APOB: variants seen among roughly 807,000 people sequenced by gnomAD.
APOB encodes apolipoprotein B-100.
In APOB, 153 loss-of-function variants were observed where a neutral mutation model predicts 314.1. The observed-to-expected ratio is 0.49, with a 90% CI of 0.43 to 0.56. The LOEUF is 0.56. Ranked by LOEUF, APOB falls within the 20% of genes least tolerant of loss-of-function variation. The pLI is 0.00. For missense variants in APOB, 5,430 were observed against 5,350.7 expected, an observed-to-expected ratio of 1.01 and a Z score of -0.46; for synonymous variants, 2,087 against 2,036.4, an observed-to-expected ratio of 1.02 and a Z score of -0.67.
intron 24 of APOB, among the ~76,000 whole-genome samples, chr2:21,013,898 A>G (rs192627628): frequency 1.3e-5 from 2 of 152,362 alleles, no homozygotes; most frequent in Non-Finnish European, 2.9e-5. Context: ...TTCTTGAAAG[A>G]AAAGGCTATA....
At chr2:21,015,697 C>A in intron 21 of APOB, 152 bp from the exon 22 acceptor site, 1 of 860,928 alleles carries the variant, frequency 1.2e-6, no homozygotes. Context: ...ACTTCTAAAG[C>A]CAACATTCAG....
Position 21,033,504 on chromosome 2 carries a change from C to T in APOB, c.919G>A (p.Gly307Ser), listed in dbSNP as rs770369582. 5.0e-6 allele frequency: 8 copies of T among 1,613,888 alleles called. No homozygotes were observed. In the African/African-American group the frequency reaches 1.1e-4, roughly 22 times the overall value. The change falls in exon 9 of 29, where the codon GGC (glycine) becomes AGC (serine). Residue 307 changes from glycine to serine, a missense_variant. This residue lies in a region of APOB where 2,085 missense variants were observed against 2,079.7 expected (regional missense o/e 1.00). Coordinates refer to ENST00000233242, the MANE Select transcript of APOB (RefSeq NM_000384.3). ...GATTTGGTGCTCTCAAATGCGAGGCCCATCTTCTTAGTACCTGGAAGATGG... is the reference window on the plus strand; with the variant it reads ...GATTTGGTGCTCTCAAATGCGAGGCTCATCTTCTTAGTACCTGGAAGATGG... The part of the protein sequence containing the change: ...RFFGEGTKKM[G>S]LAFESTKSTS...
Position 21,012,601 on chromosome 2 carries a change from CA to C in APOB, c.4266del (p.Cys1422TrpfsTer10). On this transcript the variant is annotated frameshift_variant, in exon 26 of 29. Transcript: ENST00000233242. LOFTEE classifies it high-confidence loss of function. ...AGAAATTTGTGGCGTAGAGACCCATCACATGATAGTGTGAACGTATTCTTGT... is the reference window on the plus strand; with the variant it reads ...AGAAATTTGTGGCGTAGAGACCCATCCATGATAGTGTGAACGTATTCTTGT... ...YDHKNTFTLS[C>X]DGSLRHKFLD... 6.2e-7 allele frequency: 1 copy of C among 1,613,302 alleles called. No individual in the cohort carries two copies. Among genetic ancestry groups the C allele is most frequent in the Non-Finnish European group, 8.5e-7 (1 of 1,179,460 alleles).
intron 3 of APOB, 151 bp from the exon 4 acceptor site, chr2:21,041,234 C>G: frequency 1.3e-6 from 1 of 787,150 alleles, no homozygotes; most frequent in Non-Finnish European, 2.1e-6. Context: ...GCCTTATCAA[C>G]ATGCCTCCTG....
chr2:21,014,597 CA>C lies in APOB; in HGVS notation c.3697-5del. On this transcript the variant is annotated splice_polypyrimidine_tract_variant and splice_region_variant and intron_variant, in intron 23 of 28. Transcript: ENST00000233242. ...TCTGAAGCCATGAGCTCATTGCCTA[CA>C]AAATGACAGGAGATTTTTAAGGTAA... 2 of 1,613,870 alleles carry C rather than the reference CA, an allele frequency of 1.2e-6. No homozygotes were observed. The highest frequency in any genetic ancestry group is 8.5e-7 in the Non-Finnish European group (1 of 1,179,896).
In APOB at chr2:21,027,862, G is replaced by A. The variant is rs773846941; in HGVS notation, c.2033C>T (p.Thr678Ile). The A allele has an allele frequency of 1.2e-6, 2 of 1,614,090 alleles. No homozygotes were observed. Among genetic ancestry groups the A allele is most frequent in the Non-Finnish European group, 1.7e-6 (2 of 1,179,946 alleles). Residue 678 changes from threonine to isoleucine, a missense_variant, in exon 14 of 29, where the codon ACT becomes ATT. Thr to Ile is a moderately conservative substitution (Grantham distance 89). Around this residue, in one of 3 missense-constraint regions of APOB, gnomAD observed 2,085 missense variants for 2,079.7 expected, o/e 1.00. Transcript: ENST00000233242. ...GTCAGCTGAAGCAAATCCAAAGGCA[G>A]TGAGGGTAGTTTTCAGCATGCTTTC... ...PKESMLKTTL[T>I]AFGFASADLI...
chr2:21,010,232 A>G lies in APOB; in HGVS notation c.6636T>C (p.Leu2212=). 1 of 1,562,212 alleles carries G rather than the reference A, an allele frequency of 6.4e-7. No individual in the cohort carries two copies. The highest frequency in any genetic ancestry group is 8.7e-7 in the Non-Finnish European group (1 of 1,155,600). ...IDEIIEKLKS[L]DEHYHIRVNL... ...TTACACGGATATGATAGTGCTCATCAAGACTTTTTAATTTTTCAATGATTT... is the reference window on the plus strand; with the variant it reads ...TTACACGGATATGATAGTGCTCATCGAGACTTTTTAATTTTTCAATGATTT... Residue 2212 remains leucine (L), a synonymous_variant, in exon 26 of 29, where the codon CTT becomes CTC. Coordinates refer to ENST00000233242, the MANE Select transcript of APOB (RefSeq NM_000384.3).
chr2:21,032,374 C>T lies in APOB; in HGVS notation c.1332G>A (p.Ala444=), dbSNP rs747757675. ...CTCACTTGTTGACCGCGTGGCTCAG[C>T]GCATACAAGGTGGCTCGGCTGCGCT... ...RDQRSRATLY[A]LSHAVNNYHK... is the part of the protein sequence containing the mutation. The change falls in exon 10 of 29, where the codon GCG becomes GCA. Residue 444 remains alanine (A), a synonymous_variant. Transcript: ENST00000233242. The T allele has an allele frequency of 8.1e-6, 13 of 1,613,496 alleles. No individual in the cohort carries two copies. The highest frequency in any genetic ancestry group is 2.7e-5 in the African/African-American group (2 of 74,936).
In APOB at chr2:21,042,380, G is replaced by T. The variant is rs377171241; in HGVS notation, c.218C>A (p.Ala73Asp). The change falls in exon 3 of 29, where the codon GCC becomes GAC. Residue 73 changes from alanine to aspartate, a missense_variant. Around this residue, in one of 3 missense-constraint regions of APOB, gnomAD observed 2,085 missense variants for 2,079.7 expected, o/e 1.00. Transcript: ENST00000233242. The part of the protein sequence containing the change: ...GVPGTADSRS[A>D]TRINCKVELE... The stretch of plus-strand genomic sequence containing the variant: ...CCATACCTTGCAGTTGATCCTGGTG[G>T]CACTTCTTGAATCAGCAGTCCCAGG... 5.5e-5 allele frequency: 88 copies of T among 1,613,548 alleles called. No homozygotes were observed. Among genetic ancestry groups the T allele is most frequent in the Non-Finnish European group, 7.4e-5 (87 of 1,179,688 alleles).
intron 1 of APOB, 77 bp downstream of exon 1, chr2:21,043,787 C>T (rs12720762): frequency 2.6e-6 from 4 of 1,519,378 alleles, no homozygotes; most frequent in Non-Finnish European, 3.5e-6. Flanking sequence ...TGGCCTAGGC[C>T]CAGGCTGCCC....
Position 21,032,357 on chromosome 2 carries a change from TTGA to T in APOB, c.1346_1348del (p.Val449_Asn450delinsAsp). The T allele has an allele frequency of 6.2e-7, 1 of 1,612,728 alleles. No homozygotes were observed. Among genetic ancestry groups the T allele is most frequent in the Non-Finnish European group, 8.5e-7 (1 of 1,179,926 alleles). ...GAAATACAGTGTGGAAACTCACTTG[TTGA>T]CCGCGTGGCTCAGCGCATACAAGGT... On this transcript the variant is annotated inframe_deletion, in exon 10 of 29. Coordinates refer to ENST00000233242, the MANE Select transcript of APOB (RefSeq NM_000384.3).
chr2:21,002,420 G>A lies in APOB; in HGVS notation c.13002C>T (p.Asn4334=), dbSNP rs1663008957. ...ATGGGATATAATCACTGAAGATTGT[G>A]TTGATCTCATCTTGGATATAATTAA... is the stretch of plus-strand genomic sequence containing the variant. ...YLINYIQDEI[N]TIFSDYIPYV... is the part of the protein sequence containing the mutation. Residue 4334 remains asparagine, a synonymous_variant, in exon 29 of 29, where the codon AAC becomes AAT. Coordinates refer to ENST00000233242, the MANE Select transcript of APOB (RefSeq NM_000384.3). 1 of 1,601,246 alleles carries A rather than the reference G, an allele frequency of 6.2e-7. No individual in the cohort carries two copies.
At chr2:21,018,408 A>G (rs1271444268) in intron 20 of APOB, among the ~76,000 whole-genome samples, 2 of 151,856 alleles carry the variant, frequency 1.3e-5, no homozygotes. Flanking sequence ...ACCTCTCCAT[A>G]TCTCTCTGTC....
At position 21,026,936 on chromosome 2, in the gene APOB, G is replaced by T. The variant is rs776107514; in HGVS notation, c.2096C>A (p.Pro699Gln). The T allele has an allele frequency of 6.2e-7, 1 of 1,614,084 alleles. No homozygotes were observed. Among genetic ancestry groups the T allele is most frequent in the South Asian group, 1.1e-5 (1 of 91,068 alleles). Residue 699 changes from proline to glutamine, a missense_variant, in exon 15 of 29, where the codon CCA becomes CAA. Around this residue, in one of 3 missense-constraint regions of APOB, gnomAD observed 2,085 missense variants for 2,079.7 expected, o/e 1.00. Coordinates refer to ENST00000233242, the MANE Select transcript of APOB (RefSeq NM_000384.3). ...EIGLEGKGFEPTLEALFGKQG... is the reference protein window; with the variant it reads ...EIGLEGKGFEQTLEALFGKQG... ...CTTCCCAAAAAGAGCTTCCAATGTT[G>T]GCTCAAAGCCTTTTCCTTCCAAGCC...
rs761559174 is a variant in APOB, at chr2:21,029,931, A to T, written c.1437T>A (p.Thr479=). 10 of 1,613,844 alleles carry T rather than the reference A, an allele frequency of 6.2e-6. No individual in the cohort carries two copies. The highest frequency in any genetic ancestry group is 8.5e-6 in the Non-Finnish European group (10 of 1,179,852). The change falls in exon 11 of 29, where the codon ACT becomes ACA. Residue 479 remains threonine (T), a synonymous_variant. Transcript: ENST00000233242. ...TCAAATAGGTGTAATCTTCATCCCC[A>T]GTGCAGTCATCTTGAATCTGTTCCA... ...YLMEQIQDDC[T]GDEDYTYLIL...
Position 21,023,671 on chromosome 2 carries a change from C to A in APOB, c.2458G>T (p.Gly820Cys). ...PQMIGEVIRK[G>C]SKNDFFLHYI... Reference sequence around the variant, plus strand: ...TGAAGAAAAAAGTCATTCTTTGAGCCCTTCCTGATGACCTCTCCAATCTGT... The same window carrying A: ...TGAAGAAAAAAGTCATTCTTTGAGCACTTCCTGATGACCTCTCCAATCTGT... The change falls in exon 17 of 29, where the codon GGC becomes TGC. Residue 820 changes from glycine (G) to cysteine (C), a missense_variant. Physicochemically the swap from Gly to Cys is radical, Grantham distance 159. Coordinates refer to ENST00000233242, the MANE Select transcript of APOB (RefSeq NM_000384.3). The A allele has an allele frequency of 6.2e-7, 1 of 1,612,024 alleles. No homozygotes were observed. The highest frequency in any genetic ancestry group is 8.5e-7 in the Non-Finnish European group (1 of 1,178,192).
At chr2:21,022,138 A>C (rs989971166) in intron 18 of APOB, among the ~76,000 whole-genome samples, 12 of 151,904 alleles carry the variant, frequency 7.9e-5, no homozygotes, top group Non-Finnish European at 1.6e-4. Flanking sequence ...TTATTTATTT[A>C]ATTTTTTTTG....
intron 6 of APOB, among the ~76,000 whole-genome samples, chr2:21,036,295 T>C (rs1404947702): frequency 6.6e-6 from 1 of 152,006 alleles, no homozygotes; most frequent in Non-Finnish European, 1.5e-5. Context: ...CAGAGTGGGG[T>C]TGAGCAAACA....
At chr2:21,026,176 A>G (rs975883905) in intron 15 of APOB, among the ~76,000 whole-genome samples, 1 of 152,164 alleles carries the variant, frequency 6.6e-6, no homozygotes, top group East Asian at 1.9e-4. Flanking sequence ...GATACACATA[A>G]TATCAACCAA....
Sources: allele counts gnomAD v4.1 joint callset (sites outside exome capture counted in the v4.1 genomes callset), GRCh38; gene constraint gnomAD v4.1.1; regional missense constraint gnomAD v4.1.1; transcripts MANE v1.5; gene names NCBI Gene and HGNC (gene_info 2026-07-23, HGNC 2026-07-21).